Variants in VPS35L observed in about 807,000 individuals in gnomAD.
VPS35L encodes VPS35 endosomal protein-sorting factor-like.
In VPS35L, 83 loss-of-function variants were observed where a neutral mutation model predicts 133.0. The ratio of observed to expected loss-of-function variants is 0.62; its 90% confidence interval spans 0.52 to 0.75. The LOEUF is 0.75. VPS35L is among the 30% of genes least tolerant of loss of function. The probability of loss-of-function intolerance (pLI) is 0.00; values close to 1 mark genes in which losing one functional copy is unlikely to be tolerated. For synonymous variants in VPS35L, 423 were observed against 449.9 expected, an observed-to-expected ratio of 0.94 and a Z score of 0.76; for missense variants, 1,083 against 1,206.8, an observed-to-expected ratio of 0.90 and a Z score of 1.52.
chr16:19,682,918 T>TGATG (rs1036126877), intron 28 of VPS35L, among the ~76,000 whole-genome samples: 21 of 151,784 alleles, frequency 1.4e-4, no homozygotes, highest in Admixed American at 4.6e-4. Flanking sequence ...CTTGATTGAT[T>TGATG]GATTGATTGA....
intron 17 of VPS35L, 87 bp from the exon 18 acceptor site, chr16:19,629,680 T>C: frequency 8.3e-7 from 1 of 1,197,660 alleles, no homozygotes; most frequent in Admixed American, 1.8e-5. Context: ...TTTCCAACCA[T>C]TGAACAGAGC....
chr16:19,557,641 C>T (rs1200080397), intron 1 of VPS35L, among the ~76,000 whole-genome samples: 3 of 152,120 alleles, frequency 2.0e-5, no homozygotes, highest in South Asian at 2.1e-4. Context: ...CCTCGGGTTC[C>T]CAAAGTGCTG....
chr16:19,693,483 A>T (rs1442182866), intron 29 of VPS35L, among the ~76,000 whole-genome samples: 2 of 152,192 alleles, frequency 1.3e-5, no homozygotes, highest in East Asian at 3.9e-4. Context: ...TCTATTAAAA[A>T]AAAAATTAAA....
At chr16:19,635,636 TTG>T (rs1973600559) in intron 19 of VPS35L, among the ~76,000 whole-genome samples, 1 of 152,190 alleles carries the variant, frequency 6.6e-6, no homozygotes, top group Non-Finnish European at 1.5e-5. Flanking sequence ...CTTTCCCAAT[TTG>T]ATGACAGCAA....
At chr16:19,583,182 C>T (rs755490719) in intron 7 of VPS35L, among the ~76,000 whole-genome samples, 11 of 152,050 alleles carry the variant, frequency 7.2e-5, no homozygotes, top group Non-Finnish European at 2.9e-5. Flanking sequence ...GTGCAACTAA[C>T]ACGCAATCTA....
intron 29 of VPS35L, among the ~76,000 whole-genome samples, chr16:19,695,768 G>A (rs948469033): frequency 6.6e-6 from 1 of 152,122 alleles, no homozygotes; most frequent in African/African-American, 2.4e-5. Context: ...AGTGAGCTGT[G>A]ATTGCACCAC....
chr16:19,659,815 G>C (rs1187837208), intron 26 of VPS35L, among the ~76,000 whole-genome samples: 1 of 152,182 alleles, frequency 6.6e-6, no homozygotes, highest in Non-Finnish European at 1.5e-5. Flanking sequence ...ATGTCTGGAT[G>C]TTGCATTTTA....
At chr16:19,660,747 A>G (rs1974456633) in intron 26 of VPS35L, among the ~76,000 whole-genome samples, 1 of 152,168 alleles carries the variant, frequency 6.6e-6, no homozygotes, top group South Asian at 2.1e-4. Flanking sequence ...GTTTGGTGAG[A>G]TTGTCCTGTA....
chr16:19,657,569 G>A (rs1320509656), intron 26 of VPS35L, among the ~76,000 whole-genome samples: 5 of 152,096 alleles, frequency 3.3e-5, no homozygotes, highest in South Asian at 2.1e-4. Flanking sequence ...CCCTGTAAGC[G>A]CATCACCTCC....
chr16:19,573,300 G>A (rs944204662), intron 4 of VPS35L, 59 bp downstream of exon 4: 2 of 1,547,508 alleles, frequency 1.3e-6, no homozygotes, highest in Non-Finnish European at 1.8e-6. Context: ...ATTTCTTTTT[G>A]TTATGTTGCT....
At chr16:19,672,420 C>T (rs954997597) in intron 27 of VPS35L, among the ~76,000 whole-genome samples, 1 of 152,200 alleles carries the variant, frequency 6.6e-6, no homozygotes, top group African/African-American at 2.4e-5. Flanking sequence ...TATTGATGAT[C>T]GCACAACTCT....
At chr16:19,691,241 C>T in intron 28 of VPS35L, 112 bp from the exon 29 acceptor site, 1 of 836,366 alleles carries the variant, frequency 1.2e-6, no homozygotes, top group South Asian at 1.5e-5. Context: ...TGTGCCCTGC[C>T]ACGACTTCCT....
At chr16:19,609,264 A>G (rs1487733193) in intron 11 of VPS35L, among the ~76,000 whole-genome samples, 1 of 152,212 alleles carries the variant, frequency 6.6e-6, no homozygotes, top group Non-Finnish European at 1.5e-5. Flanking sequence ...GAGGTCATGG[A>G]AGATCAGCTC....
At chr16:19,604,125 G>GTT (rs575369741) in intron 9 of VPS35L, among the ~76,000 whole-genome samples, 4 of 135,422 alleles carry the variant, frequency 3.0e-5, no homozygotes, top group Non-Finnish European at 6.5e-5. Flanking sequence ...ACCAAAATAG[G>GTT]TTTTTTTTTT....
At chr16:19,650,831 C>T (rs149471432) in intron 25 of VPS35L, among the ~76,000 whole-genome samples, 2 of 151,744 alleles carry the variant, frequency 1.3e-5, no homozygotes, top group African/African-American at 4.8e-5. Flanking sequence ...TAATATTGTT[C>T]TTGTAACTGA....
chr16:19,682,075 C>T, intron 27 of VPS35L, 150 bp from the exon 28 acceptor site: 1 of 811,784 alleles, frequency 1.2e-6, no homozygotes, highest in Non-Finnish European at 2.0e-6. Context: ...TTTAACCAGG[C>T]TTGTGAGTGG....
intron 28 of VPS35L, 63 bp downstream of exon 28, chr16:19,682,453 C>A: frequency 6.6e-7 from 1 of 1,517,900 alleles, no homozygotes; most frequent in Non-Finnish European, 9.0e-7. Context: ...AGACAGAATG[C>A]TTTCATTTTC....
In VPS35L at chr16:19,700,722, T is replaced by C. The variant is rs1253383229; in HGVS notation, c.*246T>C. On this transcript the variant is annotated 3_prime_UTR_variant, in exon 31 of 31. Coordinates refer to ENST00000417362, the MANE Select transcript of VPS35L (RefSeq NM_020314.7). ...CTGTGTTGTCTTTGCACAAGTGGCC[T>C]TCGGTCTACTCAGCCCGATCTGATG... is the stretch of plus-strand genomic sequence containing the variant. The C allele has an allele frequency of 2.1e-6, 1 of 466,954 alleles. No homozygotes were observed. The highest frequency in any genetic ancestry group is 3.2e-5 in the East Asian group (1 of 31,052). The allele number at this position is 466,954 out of a possible 1,614,324, so 28.9% of individuals were successfully genotyped here. A position where few individuals can be genotyped will look rare whatever the true frequency, so the allele number is the denominator to read the frequency against.
At chr16:19,568,438 T>C (rs1348493790) in intron 2 of VPS35L, among the ~76,000 whole-genome samples, 2 of 150,588 alleles carry the variant, frequency 1.3e-5, no homozygotes, top group Non-Finnish European at 2.9e-5. Flanking sequence ...CATCGTTGCA[T>C]AGGCATGATT....
Sources: gnomAD v4.1 joint callset for allele counts (sites outside exome capture counted in the v4.1 genomes callset) on GRCh38, gnomAD v4.1.1 for gene constraint, MANE v1.5 for transcripts, NCBI Gene and HGNC (gene_info 2026-07-23, HGNC 2026-07-21) for gene names.